Variants in ANKRD55 observed in about 807,000 individuals in gnomAD.
ANKRD55 encodes the protein ankyrin repeat domain-containing protein 55.
ANKRD55 carries 41 observed loss-of-function variants against 60.6 expected under a neutral mutation model. The ratio of observed to expected loss-of-function variants is 0.68; its 90% CI spans 0.53 to 0.88. The LOEUF (loss-of-function observed/expected upper bound fraction) is 0.88, where lower values mean the gene tolerates loss of function less well. Ranked by LOEUF, ANKRD55 falls within the 40% of genes least tolerant of loss-of-function variation. ANKRD55 has a pLI of 0.00. For synonymous variants in ANKRD55, 264 were observed against 290.3 expected, an observed-to-expected ratio of 0.91 and a Z score of 0.92; for missense variants, 732 against 767.6, an observed-to-expected ratio of 0.95 and a Z score of 0.55.
At chr5:56,137,593 A>C in intron 7 of ANKRD55, 1 of 648,082 alleles carries the variant, frequency 1.5e-6, no homozygotes, top group Non-Finnish European at 2.7e-6. Flanking sequence ...TCCAGGAGAT[A>C]ACAGGAGCAA....
chr5:56,120,588 GT>G (rs1293178821), intron 8 of ANKRD55, among the ~76,000 whole-genome samples: 1 of 152,168 alleles, frequency 6.6e-6, no homozygotes, highest in African/African-American at 2.4e-5. Flanking sequence ...CACTGGAAAG[GT>G]GGTCCCCCTT....
chr5:56,137,569 A>G (rs1757640806), intron 7 of ANKRD55: 7 of 519,966 alleles, frequency 1.3e-5, no homozygotes, highest in Admixed American at 3.3e-5. Flanking sequence ...AAGTAAAAGA[A>G]AAAAAAAAAG....
chr5:56,215,271 G>A (rs113670877), intron 2 of ANKRD55, among the ~76,000 whole-genome samples: 5,146 of 152,154 alleles, frequency 0.034, 102 homozygotes, highest in Middle Eastern at 0.082. Flanking sequence ...TATCTAGTTC[G>A]CATCACATCA....
chr5:56,143,083 C>G (rs2111758647), intron 7 of ANKRD55, among the ~76,000 whole-genome samples: 1 of 152,318 alleles, frequency 6.6e-6, no homozygotes, highest in South Asian at 2.1e-4. Flanking sequence ...GTAGCTCAGA[C>G]AGGTGCCCTT....
intron 9 of ANKRD55, among the ~76,000 whole-genome samples, chr5:56,115,845 A>G (rs777068955): frequency 6.6e-6 from 1 of 151,938 alleles, no homozygotes; most frequent in Non-Finnish European, 1.5e-5. Context: ...AAAATTTCTC[A>G]TTTTAATTAA....
At chr5:56,104,517 A>C (rs1370000427) in intron 10 of ANKRD55, among the ~76,000 whole-genome samples, 1 of 152,144 alleles carries the variant, frequency 6.6e-6, no homozygotes, top group Non-Finnish European at 1.5e-5. Flanking sequence ...GGAGCCGTGC[A>C]TAGCCCAAAG....
intron 2 of ANKRD55, among the ~76,000 whole-genome samples, chr5:56,214,548 G>C (rs940764418): frequency 2.6e-5 from 4 of 152,124 alleles, no homozygotes; most frequent in South Asian, 2.1e-4. Flanking sequence ...GAAAGCAAGG[G>C]ATAAATATAT....
chr5:56,110,046 G>A (rs1441292868), intron 10 of ANKRD55, among the ~76,000 whole-genome samples: 5 of 124,868 alleles, frequency 4.0e-5, no homozygotes, highest in Non-Finnish European at 8.1e-5. Context: ...GCGAGACTCC[G>A]TCTCAAAAAA....
intron 2 of ANKRD55, among the ~76,000 whole-genome samples, chr5:56,228,320 A>C (rs1248000449): frequency 6.6e-6 from 1 of 152,158 alleles, no homozygotes; most frequent in African/African-American, 2.4e-5. Context: ...AGACGAGGCC[A>C]AGTGAAGATG....
chr5:56,165,474 A>AT (rs1758425049), intron 5 of ANKRD55, among the ~76,000 whole-genome samples: 1 of 152,134 alleles, frequency 6.6e-6, no homozygotes, highest in Non-Finnish European at 1.5e-5. Context: ...CATCATCATC[A>AT]TTGATGACCA....
intron 2 of ANKRD55, among the ~76,000 whole-genome samples, chr5:56,201,278 C>A (rs1472512865): frequency 6.6e-6 from 1 of 152,188 alleles, no homozygotes; most frequent in African/African-American, 2.4e-5. Flanking sequence ...TTACACTGCA[C>A]CACGATGGCT....
intron 6 of ANKRD55, among the ~76,000 whole-genome samples, chr5:56,151,814 G>GGA: frequency 8.3e-6 from 1 of 120,366 alleles, no homozygotes; most frequent in Admixed American, 8.7e-5. Context: ...CCACATCTCG[G>GGA]AAAAAAAAAA....
chr5:56,183,479 A>G (rs755148545), intron 3 of ANKRD55, 33 bp downstream of exon 3: 5 of 1,612,272 alleles, frequency 3.1e-6, no homozygotes, highest in South Asian at 2.2e-5. Flanking sequence ...ATAGAGCAGA[A>G]CATTCTGGAT....
At chr5:56,219,331 A>T (rs530155107) in intron 2 of ANKRD55, among the ~76,000 whole-genome samples, 18 of 151,936 alleles carry the variant, frequency 1.2e-4, no homozygotes, top group Non-Finnish European at 2.1e-4. Flanking sequence ...TGAATATTAT[A>T]TGCATGTATC....
chr5:56,106,568 C>T (rs553912389), intron 10 of ANKRD55, among the ~76,000 whole-genome samples: 167 of 151,950 alleles, frequency 1.1e-3, no homozygotes, highest in African/African-American at 3.6e-3. Flanking sequence ...GGACTACAGG[C>T]GCCCGCCACC....
In ANKRD55 at chr5:56,199,656, C is replaced by T. The variant is rs948285437; in HGVS notation, c.59-16022G>A. 2.6e-5 allele frequency among the ~76,000 whole-genome samples: 4 copies of T among 151,404 alleles called. No homozygotes were observed. In the East Asian group the frequency reaches 7.7e-4, roughly 29 times the overall value. ...CTGTAATCCCAGCACTTTGGGAGGC[C>T]GAGGTGGGCGGATCACAAGGTCAGG... On this transcript the variant is annotated intron_variant, in intron 2 of 11. Transcript: ENST00000341048.
intron 3 of ANKRD55, among the ~76,000 whole-genome samples, chr5:56,179,806 G>A (rs1758816917): frequency 6.6e-6 from 1 of 152,156 alleles, no homozygotes; most frequent in African/African-American, 2.4e-5. Flanking sequence ...GTGGTGCAAA[G>A]TAATTACAGT....
intron 2 of ANKRD55, among the ~76,000 whole-genome samples, chr5:56,198,410 C>T (rs112920702): frequency 0.011 from 1,643 of 152,056 alleles, 10 homozygotes; most frequent in Middle Eastern, 0.037. Flanking sequence ...CTCAGCCTCC[C>T]GAGTAGCTGG....
chr5:56,135,290 G>GC (rs1554038504), intron 7 of ANKRD55, among the ~76,000 whole-genome samples: 7,972 of 69,144 alleles, frequency 0.12, 623 homozygotes, highest in South Asian at 0.25. Flanking sequence ...CTGCCTGCCT[G>GC]CTTGCTTTCT....
Sources: allele counts gnomAD v4.1 joint callset (sites outside exome capture counted in the v4.1 genomes callset), GRCh38; gene constraint gnomAD v4.1.1; transcripts MANE v1.5; gene names NCBI Gene and HGNC (gene_info 2026-07-23, HGNC 2026-07-21).